The following GPC4 variants were observed in gnomAD, a reference collection of about 807,000 sequenced individuals.
GPC4 encodes the protein glypican-4.
GPC4 carries 10 observed loss-of-function variants against 35.0 expected under a neutral mutation model. The observed-to-expected ratio is 0.29, with a 90% CI of 0.18 to 0.48. The LOEUF (loss-of-function observed/expected upper bound fraction) is 0.48. GPC4 is among the 20% of genes least tolerant of loss of function. GPC4 has a pLI of 0.99. For synonymous variants in GPC4, 167 were observed against 170.2 expected (o/e 0.98, Z 0.15); for missense variants, 322 against 451.3 (o/e 0.71, Z 2.60).
intron 1 of GPC4, among the ~76,000 whole-genome samples, chrX:133,413,883 G>T (rs918736552): frequency 9.0e-5 from 10 of 110,939 alleles, no homozygotes; most frequent in African/African-American, 3.3e-4. Flanking sequence ...CTCCGAGAGG[G>T]GCTTTCACAA....
chrX:133,329,341 T>C (rs2068408598), intron 2 of GPC4, among the ~76,000 whole-genome samples: 1 of 112,199 alleles, frequency 8.9e-6, no homozygotes, highest in Non-Finnish European at 1.9e-5. Context: ...GTATCTACAA[T>C]CCTTTAAAAA....
intron 1 of GPC4, among the ~76,000 whole-genome samples, chrX:133,368,467 TA>T: frequency 9.0e-6 from 1 of 111,583 alleles, no homozygotes; most frequent in East Asian, 2.8e-4. Flanking sequence ...TTTCAATTCA[TA>T]AAAGCACTGT....
chrX:133,391,873 C>T (rs1404631807), intron 1 of GPC4, among the ~76,000 whole-genome samples: 1 of 111,436 alleles, frequency 9.0e-6, no homozygotes, highest in African/African-American at 3.3e-5. Context: ...ATAATAAAGG[C>T]CCATTAACTC....
At chrX:133,370,047 C>G (rs892574202) in intron 1 of GPC4, among the ~76,000 whole-genome samples, 18 of 112,134 alleles carry the variant, frequency 1.6e-4, no homozygotes, top group African/African-American at 5.8e-4. Flanking sequence ...TCAGCTCTCT[C>G]AAGCCAGTAC....
intron 1 of GPC4, among the ~76,000 whole-genome samples, chrX:133,411,070 G>T (rs966796859): frequency 8.0e-5 from 9 of 112,308 alleles, no homozygotes; most frequent in African/African-American, 2.9e-4. Context: ...AGAAAGTATT[G>T]CTACCTCTCC....
intron 1 of GPC4, among the ~76,000 whole-genome samples, chrX:133,348,225 C>G (rs1285397172): frequency 8.9e-6 from 1 of 111,838 alleles, no homozygotes; most frequent in Non-Finnish European, 1.9e-5. Context: ...ATCTTAGATC[C>G]CCATTTTAAC....
At chrX:133,382,850 A>G (rs2068669213) in intron 1 of GPC4, among the ~76,000 whole-genome samples, 1 of 113,034 alleles carries the variant, frequency 8.8e-6, no homozygotes, top group Non-Finnish European at 1.9e-5. Context: ...ATCATATGTC[A>G]TTAGGGAATT....
intron 1 of GPC4, among the ~76,000 whole-genome samples, chrX:133,341,596 T>C (rs2068466957): frequency 1.8e-5 from 2 of 110,768 alleles, no homozygotes; most frequent in Admixed American, 1.9e-4. Flanking sequence ...TAATAAAGGG[T>C]CACTTACTGG....
chrX:133,387,048 A>C (rs983394293), intron 1 of GPC4, among the ~76,000 whole-genome samples: 7 of 111,918 alleles, frequency 6.3e-5, no homozygotes, highest in Admixed American at 9.6e-5. Flanking sequence ...AGGAATACCT[A>C]CACCGCTAGC....
intron 1 of GPC4, among the ~76,000 whole-genome samples, chrX:133,357,887 G>A (rs974016773): frequency 3.8e-4 from 43 of 111,842 alleles, no homozygotes; most frequent in African/African-American, 1.3e-3. Context: ...TCTCAGAAAG[G>A]GGATTCTTTC....
At chrX:133,414,669 T>A in intron 1 of GPC4, 137 bp downstream of exon 1, 1 of 1,132,113 alleles carries the variant, frequency 8.8e-7, no homozygotes, top group Non-Finnish European at 1.2e-6. Context: ...CGCTCGCTCC[T>A]GCCCTCTCGA....
chrX:133,391,345 G>A (rs753410629), intron 1 of GPC4, among the ~76,000 whole-genome samples: 42 of 111,973 alleles, frequency 3.8e-4, no homozygotes, highest in Non-Finnish European at 3.8e-4. Flanking sequence ...AATGTGGGCT[G>A]CTTTTTGCTC....
chrX:133,310,678 A>G (rs752075410), intron 4 of GPC4, among the ~76,000 whole-genome samples: 3 of 112,062 alleles, frequency 2.7e-5, no homozygotes, highest in African/African-American at 6.5e-5. Context: ...CAAATAACAA[A>G]TGCGTATCTG....
At chrX:133,378,575 CAAAAAAAAAAAAGAAAA>C (rs2068646546) in intron 1 of GPC4, among the ~76,000 whole-genome samples, 1 of 49,576 alleles carries the variant, frequency 2.0e-5, no homozygotes, top group Non-Finnish European at 3.6e-5. Flanking sequence ...GACTCCATTT[CAAAAAAAAAAAAGAAAA>C]AAAAAAAAAA....
chrX:133,308,430 T>A (rs760944939), intron 4 of GPC4, among the ~76,000 whole-genome samples: 1 of 112,257 alleles, frequency 8.9e-6, no homozygotes, highest in Non-Finnish European at 1.9e-5. Flanking sequence ...AATTTATGAT[T>A]CTCCAGAAAC....
chrX:133,347,494 T>C (rs1381014097), intron 1 of GPC4, among the ~76,000 whole-genome samples: 1 of 110,133 alleles, frequency 9.1e-6, no homozygotes, highest in African/African-American at 3.3e-5. Context: ...CGTAAAATAA[T>C]TCCTTGCTGT....
Position 133,300,146 on chromosome X carries a change from A to C in GPC4, c.*2721T>G, listed in dbSNP as rs1300972138. ...TTTTTATTTTGATTCTGTAATCACA[A>C]ATGACAATTTTTACTTCATGTGAAC... is the stretch of plus-strand genomic sequence containing the variant. On this transcript the variant is annotated 3_prime_UTR_variant, in exon 9 of 9. Transcript: ENST00000370828. 2.7e-5 allele frequency: 3 copies of C among 112,799 alleles called. No homozygotes were observed. Among genetic ancestry groups the C allele is most frequent in the African/African-American group, 9.6e-5 (3 of 31,110 alleles). 9.3% of individuals were successfully genotyped at this position (112,799 alleles called of 1,213,427 possible).
At chrX:133,393,957 A>G (rs1325707736) in intron 1 of GPC4, among the ~76,000 whole-genome samples, 1 of 111,683 alleles carries the variant, frequency 9.0e-6, no homozygotes, top group Non-Finnish European at 1.9e-5. Context: ...AGTAATACAT[A>G]CCACAATTTA....
At position 133,309,736 on chromosome X, in the gene GPC4, T is replaced by C. The variant is rs975789102; in HGVS notation, c.877+1522A>G. On this transcript the variant is annotated intron_variant, in intron 4 of 8. Coordinates refer to ENST00000370828, the MANE Select transcript of GPC4 (RefSeq NM_001448.3). ...AAAATTCAATTTTGCAAAAGTGAAC[T>C]GCAAACTTGACATTTGGGTGTGGGG... Among the ~76,000 whole-genome samples the C allele has an allele frequency of 5.3e-5, 6 of 112,577 alleles. No individual in the cohort carries two copies. In the Admixed American group the frequency reaches 5.6e-4, roughly 11 times the overall value.
Sources: gnomAD v4.1 joint callset for allele counts (sites outside exome capture counted in the v4.1 genomes callset) on GRCh38, gnomAD v4.1.1 for gene constraint, MANE v1.5 for transcripts, NCBI Gene and HGNC (gene_info 2026-07-23, HGNC 2026-07-21) for gene names.